The following PCDHA13 variants were observed in gnomAD, a reference collection of about 807,000 sequenced individuals.
The protein encoded by PCDHA13 is protocadherin alpha 13, also known as protocadherin alpha-13.
Under a neutral mutation model 64.8 loss-of-function variants are expected in PCDHA13, and 54 were observed. The observed-to-expected ratio is 0.83, with a 90% CI of 0.67 to 1.04. The LOEUF (loss-of-function observed/expected upper bound fraction) is 1.04, where lower values mean the gene tolerates loss of function less well. Ranked by LOEUF, PCDHA13 falls within the 50% of genes least tolerant of loss-of-function variation. PCDHA13 has a pLI of 0.00. For missense variants in PCDHA13, 1,248 were observed against 1,254.3 expected (o/e 0.99, Z 0.08); for synonymous variants, 587 against 564.4 (o/e 1.04, Z -0.57).
chr5:140,941,225 T>TTC (rs2092914120), intron 1 of PCDHA13, among the ~76,000 whole-genome samples: 17 of 138,026 alleles, frequency 1.2e-4, no homozygotes, highest in African/African-American at 4.7e-4. Context: ...CTTTCTTTCT[T>TTC]TCTTTCTTTC....
intron 1 of PCDHA13, chr5:140,968,408 A>G: frequency 6.2e-7 from 1 of 1,613,980 alleles, no homozygotes; most frequent in Non-Finnish European, 8.5e-7. Flanking sequence ...GTTCTTTGTG[A>G]CTGTGGAGGC....
At chr5:140,968,795 A>G in intron 1 of PCDHA13, 2 of 1,614,210 alleles carry the variant, frequency 1.2e-6, no homozygotes, top group Non-Finnish European at 1.7e-6. Context: ...TGTGGCCATT[A>G]CAGTAGCTGT....
At chr5:140,967,174 G>A (rs1554229282) in intron 1 of PCDHA13, 1 of 1,611,892 alleles carries the variant, frequency 6.2e-7, no homozygotes, top group Non-Finnish European at 8.5e-7. Flanking sequence ...CCGTTGAGGT[G>A]GAAATATTGG....
intron 1 of PCDHA13, among the ~76,000 whole-genome samples, chr5:140,919,978 A>C (rs993704497): frequency 7.5e-6 from 1 of 134,032 alleles, no homozygotes; most frequent in Non-Finnish European, 1.7e-5. Flanking sequence ...AAGAGATAGA[A>C]GATGGAAAAC....
At chr5:140,968,781 C>G in intron 1 of PCDHA13, 1 of 1,614,182 alleles carries the variant, frequency 6.2e-7, no homozygotes. Context: ...TCACTATCAG[C>G]CTCTGTGGCC....
chr5:140,985,739 C>CTTT (rs11372071), intron 3 of PCDHA13, among the ~76,000 whole-genome samples: 39 of 117,922 alleles, frequency 3.3e-4, no homozygotes, highest in Non-Finnish European at 4.1e-4. Context: ...TGATGAATTC[C>CTTT]TTTTTTTTTT....
At chr5:140,968,283 A>G in intron 1 of PCDHA13, 1 of 1,613,726 alleles carries the variant, frequency 6.2e-7, no homozygotes, top group Non-Finnish European at 8.5e-7. Flanking sequence ...GAGGTGACCT[A>G]CTCCCTTCTG....
chr5:140,967,228 G>A (rs1316363900), intron 1 of PCDHA13: 3 of 1,613,652 alleles, frequency 1.9e-6, no homozygotes, highest in Non-Finnish European at 2.5e-6. Flanking sequence ...CCAACTACCA[G>A]CTTCAGGTAA....
rs1554178222 is a variant in PCDHA13 at position 140,883,443 on chromosome 5, A to AT, written c.1176dup (p.Val393CysfsTer30). On this transcript the variant is annotated frameshift_variant, in exon 1 of 4. Transcript: ENST00000289272. LOFTEE classifies it high-confidence loss of function. Reference sequence around the variant, plus strand: ...CAGGTCACCTGCACCTTGACGCCGCATGTCCCCTTCAAGCTGGTGTCCACC... The same window carrying AT: ...CAGGTCACCTGCACCTTGACGCCGCATTGTCCCCTTCAAGCTGGTGTCCACC... 6.2e-7 allele frequency: 1 copy of AT among 1,614,136 alleles called. No homozygotes were observed. The highest frequency in any genetic ancestry group is 1.7e-5 in the Admixed American group (1 of 60,022).
chr5:140,955,397 A>G (rs1470827673), intron 1 of PCDHA13, among the ~76,000 whole-genome samples: 1 of 152,130 alleles, frequency 6.6e-6, no homozygotes, highest in Non-Finnish European at 1.5e-5. Context: ...CAATTATCCC[A>G]TACAGTTCTC....
At chr5:140,918,186 C>T (rs1177570782) in intron 1 of PCDHA13, among the ~76,000 whole-genome samples, 1 of 151,888 alleles carries the variant, frequency 6.6e-6, no homozygotes, top group Non-Finnish European at 1.5e-5. Flanking sequence ...TTGATTTGGC[C>T]CTCAGCTTGG....
intron 3 of PCDHA13, among the ~76,000 whole-genome samples, chr5:140,990,307 A>C (rs1409511282): frequency 2.6e-5 from 4 of 152,132 alleles, no homozygotes; most frequent in Non-Finnish European, 5.9e-5. Flanking sequence ...TGTCTGTAAA[A>C]AACCAACCAA....
At chr5:140,990,025 T>C (rs2097371572) in intron 3 of PCDHA13, among the ~76,000 whole-genome samples, 1 of 151,914 alleles carries the variant, frequency 6.6e-6, no homozygotes, top group African/African-American at 2.4e-5. Flanking sequence ...AGGCAAAGGA[T>C]GGGAGAAGTC....
intron 1 of PCDHA13, chr5:140,967,336 C>T (rs782067589): frequency 5.0e-6 from 8 of 1,607,396 alleles, no homozygotes; most frequent in Admixed American, 1.7e-5. Context: ...TCAGCCCCAG[C>T]GAGCACTTCG....
At chr5:140,903,942 A>G (rs1279645269) in intron 1 of PCDHA13, among the ~76,000 whole-genome samples, 5 of 152,212 alleles carry the variant, frequency 3.3e-5, no homozygotes, top group African/African-American at 1.2e-4. Flanking sequence ...TACCTCTTAA[A>G]TACTGGAAAA....
At chr5:140,969,982 G>T (rs1327490843) in intron 1 of PCDHA13, among the ~76,000 whole-genome samples, 1 of 152,184 alleles carries the variant, frequency 6.6e-6, no homozygotes, top group Non-Finnish European at 1.5e-5. Flanking sequence ...CAACTCTTCT[G>T]TAGAGGGCTG....
intron 3 of PCDHA13, among the ~76,000 whole-genome samples, chr5:140,996,315 G>A (rs2097722113): frequency 6.6e-6 from 1 of 152,188 alleles, no homozygotes; most frequent in African/African-American, 2.4e-5. Flanking sequence ...AGTAAGGGGG[G>A]AGGGTAGAGA....
intron 1 of PCDHA13, chr5:140,929,563 G>A: frequency 2.1e-6 from 1 of 470,088 alleles, no homozygotes; most frequent in Non-Finnish European, 3.6e-6. Context: ...ACCTATTTAA[G>A]AACAATAAAA....
Position 140,978,928 on chromosome 5 carries a change from ACT to A in PCDHA13, c.2395-16_2395-15del. ...CATTGTCTTGTCATTTTAACAGAAA[ACT>A]CTCTTTGTGATTTTGCAGCCACGAC... On this transcript the variant is annotated intron_variant, in intron 1 of 3. Coordinates refer to ENST00000289272, the MANE Select transcript of PCDHA13 (RefSeq NM_018904.3). The A allele has an allele frequency of 6.2e-7, 1 of 1,613,190 alleles. No homozygotes were observed. Among genetic ancestry groups the A allele is most frequent in the Admixed American group, 1.7e-5 (1 of 59,890 alleles).
Sources: gnomAD v4.1 joint callset for allele counts (sites outside exome capture counted in the v4.1 genomes callset) on GRCh38, gnomAD v4.1.1 for gene constraint, MANE v1.5 for transcripts, NCBI Gene and HGNC (gene_info 2026-07-23, HGNC 2026-07-21) for gene names.